CTCF: variants seen among roughly 807,000 people sequenced by gnomAD.
CTCF encodes the protein transcriptional repressor CTCF.
A neutral mutation model predicts 72.3 loss-of-function variants in CTCF; 7 were observed. The ratio of observed to expected loss-of-function variants is 0.10; its 90% confidence interval spans 0.06 to 0.18. The LOEUF (loss-of-function observed/expected upper bound fraction) is 0.18, where lower values mean the gene tolerates loss of function less well. Ranked by LOEUF, CTCF falls within the 10% of genes least tolerant of loss-of-function variation. CTCF has a pLI of 1.00. For missense variants in CTCF, 516 were observed against 949.1 expected, an observed-to-expected ratio of 0.54 and a Z score of 6.00; for synonymous variants, 374 against 315.8, an observed-to-expected ratio of 1.18 and a Z score of -1.95.
At chr16:67,579,420 G>A (rs1319320225) in intron 2 of CTCF, among the ~76,000 whole-genome samples, 2 of 151,142 alleles carry the variant, frequency 1.3e-5, no homozygotes, top group Non-Finnish European at 2.9e-5. Context: ...GTGCAGTGCC[G>A]TGATCTCGGC....
chr16:67,615,942 A>G (rs1364836517), intron 4 of CTCF: 1 of 152,126 alleles, frequency 6.6e-6, no homozygotes, highest in Non-Finnish European at 1.5e-5. Flanking sequence ...TTAGTGTTTG[A>G]TACTACCTTG....
At chr16:67,605,943 T>G (rs2051967822) in intron 2 of CTCF, among the ~76,000 whole-genome samples, 1 of 152,158 alleles carries the variant, frequency 6.6e-6, no homozygotes, top group Non-Finnish European at 1.5e-5. Flanking sequence ...ACGAAGGGGC[T>G]TTGTGAGCCA....
intron 2 of CTCF, among the ~76,000 whole-genome samples, chr16:67,604,023 G>C (rs1489985172): frequency 6.6e-6 from 1 of 150,712 alleles, no homozygotes; most frequent in Admixed American, 6.6e-5. Flanking sequence ...CCAGCTACTC[G>C]GGAGGCTGAG....
rs1475448592 is a variant in CTCF, at chr16:67,620,980, G to T, written c.1207+163G>T. 7 of 539,904 alleles carry T rather than the reference G, an allele frequency of 1.3e-5. No homozygotes were observed. The Admixed American group carries it at 1.9e-4, about 15-fold the overall frequency. 33.4% of individuals were successfully genotyped at this position (539,904 alleles called of 1,614,324 possible). ...CTCCGGCATATCCTCTGAATTCGTTGTTCAGAAAACACATTAGAAAATAGT... is the reference window on the plus strand; with the variant it reads ...CTCCGGCATATCCTCTGAATTCGTTTTTCAGAAAACACATTAGAAAATAGT... On this transcript the variant is annotated intron_variant, in intron 6 of 11. Transcript: ENST00000264010.
At chr16:67,616,586 C>A (rs1005259068) in intron 4 of CTCF, 159 bp from the exon 5 acceptor site, 2 of 731,274 alleles carry the variant, frequency 2.7e-6, no homozygotes, top group East Asian at 2.5e-5. Flanking sequence ...CAGGCCCTCC[C>A]ATAGTTTTCG....
intron 2 of CTCF, among the ~76,000 whole-genome samples, chr16:67,601,766 C>G (rs1243409821): frequency 2.0e-5 from 3 of 151,918 alleles, no homozygotes; most frequent in African/African-American, 4.8e-5. Flanking sequence ...CTTGGAAGCA[C>G]AGTTGGTTTC....
At chr16:67,609,809 A>G (rs1209301011) in intron 2 of CTCF, among the ~76,000 whole-genome samples, 1 of 151,874 alleles carries the variant, frequency 6.6e-6, no homozygotes, top group Non-Finnish European at 1.5e-5. Context: ...ATTTTTTAGT[A>G]GAGACGGGGT....
intron 1 of CTCF, chr16:67,570,831 A>C (rs2051408831): frequency 6.7e-6 from 1 of 150,010 alleles, no homozygotes; most frequent in African/African-American, 2.5e-5. Flanking sequence ...GTACAGCCTC[A>C]AACTCCTGGG....
chr16:67,571,289 A>G (rs193216663), intron 2 of CTCF, 25 bp downstream of exon 2: 9 of 152,616 alleles, frequency 5.9e-5, no homozygotes, highest in East Asian at 1.9e-4. Flanking sequence ...CATTTTTTCT[A>G]TCTTAAAAAT....
intron 2 of CTCF, among the ~76,000 whole-genome samples, chr16:67,585,163 C>T (rs2051652935): frequency 6.6e-6 from 1 of 152,210 alleles, no homozygotes; most frequent in Non-Finnish European, 1.5e-5. Flanking sequence ...AGTTCTCCTG[C>T]CTCAGCCTCC....
At chr16:67,589,985 G>A (rs1009421057) in intron 2 of CTCF, among the ~76,000 whole-genome samples, 3 of 152,132 alleles carry the variant, frequency 2.0e-5, no homozygotes, top group Non-Finnish European at 4.4e-5. Context: ...TACTCAGGAG[G>A]CTGAGACAGG....
At chr16:67,629,906 C>CT (rs1205511127) in intron 10 of CTCF, among the ~76,000 whole-genome samples, 1 of 150,518 alleles carries the variant, frequency 6.6e-6, no homozygotes, top group Non-Finnish European at 1.5e-5. Flanking sequence ...TCCCGAGTAG[C>CT]TGTGACTACA....
At chr16:67,565,049 G>A (rs557849428) in intron 1 of CTCF, among the ~76,000 whole-genome samples, 1 of 151,632 alleles carries the variant, frequency 6.6e-6, no homozygotes, top group Non-Finnish European at 1.5e-5. Flanking sequence ...CCCCTAGGCT[G>A]GAGTGGCAGT....
chr16:67,600,159 A>G (rs2051867762), intron 2 of CTCF, among the ~76,000 whole-genome samples: 1 of 152,164 alleles, frequency 6.6e-6, no homozygotes, highest in South Asian at 2.1e-4. Context: ...CCTGTGGGCC[A>G]AACAAAGGGG....
At chr16:67,621,671 TCAC>T in intron 7 of CTCF, 80 bp downstream of exon 7, 1 of 1,074,746 alleles carries the variant, frequency 9.3e-7, no homozygotes, top group South Asian at 1.6e-5. Flanking sequence ...AAAAATAACT[TCAC>T]CTTCTGACTC....
At chr16:67,591,523 A>T (rs912660565) in intron 2 of CTCF, among the ~76,000 whole-genome samples, 1 of 152,196 alleles carries the variant, frequency 6.6e-6, no homozygotes, top group Admixed American at 6.5e-5. Flanking sequence ...GCTTTGATGT[A>T]TTTTAAGCTC....
chr16:67,579,269 A>C (rs1164012378), intron 2 of CTCF, among the ~76,000 whole-genome samples: 1 of 152,126 alleles, frequency 6.6e-6, no homozygotes, highest in African/African-American at 2.4e-5. Context: ...AAATAAATAA[A>C]TAATAAAAAT....
chr16:67,623,767 T>A (rs1278556628), intron 7 of CTCF, among the ~76,000 whole-genome samples: 1 of 149,028 alleles, frequency 6.7e-6, no homozygotes, highest in East Asian at 2.0e-4. Context: ...AATAAAAATA[T>A]AGCCGGGCAC....
intron 2 of CTCF, among the ~76,000 whole-genome samples, chr16:67,584,550 A>G (rs568968649): frequency 1.5e-3 from 216 of 148,652 alleles, no homozygotes; most frequent in Non-Finnish European, 2.6e-3. Context: ...CTGGTCTTGA[A>G]CTCCTGACCT....
Sources: allele counts gnomAD v4.1 joint callset (sites outside exome capture counted in the v4.1 genomes callset), GRCh38; gene constraint gnomAD v4.1.1; transcripts MANE v1.5; gene names NCBI Gene and HGNC (gene_info 2026-07-23, HGNC 2026-07-21).